NDUFS4: variants seen among roughly 807,000 people sequenced by gnomAD.
NDUFS4 encodes the protein NADH:ubiquinone oxidoreductase subunit S4.
A neutral mutation model predicts 24.3 loss-of-function variants in NDUFS4; 28 were observed. That is an observed-to-expected ratio of 1.15 (90% confidence interval 0.85 to 1.58). NDUFS4 has a LOEUF of 1.58. Ranked by LOEUF, NDUFS4 falls within the 40% of genes most tolerant of loss-of-function variation. NDUFS4 has a pLI of 0.00. For synonymous variants in NDUFS4, 93 were observed against 69.7 expected, an observed-to-expected ratio of 1.34 and a Z score of -1.67; for missense variants, 223 against 207.9, an observed-to-expected ratio of 1.07 and a Z score of -0.45.
At chr5:53,658,838 A>G (rs988901882) in intron 4 of NDUFS4, 6 of 504,348 alleles carry the variant, frequency 1.2e-5, no homozygotes, top group African/African-American at 1.2e-4. Context: ...CATGTAAAAG[A>G]CAGACTGCTC....
At chr5:53,623,542 CA>C (rs1165078099) in intron 2 of NDUFS4, among the ~76,000 whole-genome samples, 2 of 152,110 alleles carry the variant, frequency 1.3e-5, no homozygotes, top group Non-Finnish European at 2.9e-5. Flanking sequence ...CTTTGATGCA[CA>C]AAAATTTTAA....
chr5:53,572,915 A>G (rs943467951), intron 1 of NDUFS4, among the ~76,000 whole-genome samples: 1 of 145,046 alleles, frequency 6.9e-6, no homozygotes, highest in African/African-American at 2.5e-5. Flanking sequence ...AAGTGCTGGG[A>G]TTAGAGGCGT....
chr5:53,580,163 A>G (rs1481695768), intron 1 of NDUFS4, among the ~76,000 whole-genome samples: 3 of 152,238 alleles, frequency 2.0e-5, no homozygotes, highest in Admixed American at 6.5e-5. Context: ...TTTACCATCT[A>G]TTTACACTAA....
At chr5:53,564,677 C>A (rs1404257844) in intron 1 of NDUFS4, among the ~76,000 whole-genome samples, 4 of 152,084 alleles carry the variant, frequency 2.6e-5, no homozygotes, top group Admixed American at 6.6e-5. Context: ...GCAGCTGGGA[C>A]TGTAGGTGTG....
At chr5:53,605,956 G>T (rs1271278351) in intron 2 of NDUFS4, among the ~76,000 whole-genome samples, 1 of 150,854 alleles carries the variant, frequency 6.6e-6, no homozygotes. Context: ...AGAGCTTGCA[G>T]TGAGCCAAGA....
chr5:53,633,830 A>C (rs1362582689), intron 2 of NDUFS4, among the ~76,000 whole-genome samples: 1 of 152,190 alleles, frequency 6.6e-6, no homozygotes, highest in African/African-American at 2.4e-5. Flanking sequence ...AATTCTAGGC[A>C]GATTTTGGAC....
chr5:53,628,383 A>G (rs1751294643), intron 2 of NDUFS4, among the ~76,000 whole-genome samples: 1 of 152,156 alleles, frequency 6.6e-6, no homozygotes, highest in Admixed American at 6.5e-5. Context: ...TATCAGGATG[A>G]TACTGGCCTC....
chr5:53,627,659 C>T (rs1751271414), intron 2 of NDUFS4, among the ~76,000 whole-genome samples: 1 of 152,084 alleles, frequency 6.6e-6, no homozygotes, highest in African/African-American at 2.4e-5. Context: ...AATGGGAGTT[C>T]ACTCAAGATT....
intron 1 of NDUFS4, among the ~76,000 whole-genome samples, chr5:53,566,487 C>T (rs1314437140): frequency 6.6e-6 from 1 of 152,126 alleles, no homozygotes; most frequent in African/African-American, 2.4e-5. Flanking sequence ...CCTATCAACT[C>T]AGGTGTTGTT....
intron 1 of NDUFS4, among the ~76,000 whole-genome samples, chr5:53,594,482 G>A (rs1042736385): frequency 2.0e-5 from 3 of 151,832 alleles, no homozygotes; most frequent in Non-Finnish European, 4.4e-5. Context: ...AATCTACTCC[G>A]ATAACTCTCT....
intron 2 of NDUFS4, 27 bp from the exon 3 acceptor site, chr5:53,646,205 CG>C: frequency 6.4e-7 from 1 of 1,553,766 alleles, no homozygotes; most frequent in South Asian, 1.1e-5. Flanking sequence ...CTGTTTGAAA[CG>C]TGTTTTTTTT....
intron 2 of NDUFS4, among the ~76,000 whole-genome samples, chr5:53,613,101 T>TC (rs1299490263): frequency 3.3e-5 from 5 of 152,030 alleles, no homozygotes; most frequent in South Asian, 4.1e-4. Flanking sequence ...ACTTTTTTTT[T>TC]CCCCCTCTAA....
intron 1 of NDUFS4, among the ~76,000 whole-genome samples, chr5:53,588,777 A>G (rs1256732757): frequency 6.6e-6 from 1 of 152,200 alleles, no homozygotes; most frequent in Admixed American, 6.5e-5. Context: ...AATATTGCCA[A>G]ACAATGAAAT....
intron 2 of NDUFS4, among the ~76,000 whole-genome samples, chr5:53,607,245 C>G (rs1256699470): frequency 6.6e-6 from 1 of 152,170 alleles, no homozygotes; most frequent in African/African-American, 2.4e-5. Flanking sequence ...GATAGTTTTT[C>G]AACCGTTGTG....
At chr5:53,652,316 T>C (rs1752043849) in intron 3 of NDUFS4, among the ~76,000 whole-genome samples, 1 of 152,124 alleles carries the variant, frequency 6.6e-6, no homozygotes. Context: ...ACATATTTCA[T>C]TGAGCAGCAG....
chr5:53,615,921 A>T (rs1351016430), intron 2 of NDUFS4, among the ~76,000 whole-genome samples: 5 of 152,132 alleles, frequency 3.3e-5, no homozygotes, highest in Non-Finnish European at 1.5e-5. Flanking sequence ...CTGAGTATAT[A>T]TTGTGTAAAT....
At chr5:53,614,579 A>G (rs1750790019) in intron 2 of NDUFS4, among the ~76,000 whole-genome samples, 1 of 151,996 alleles carries the variant, frequency 6.6e-6, no homozygotes, top group Non-Finnish European at 1.5e-5. Flanking sequence ...ATCTTTCAAA[A>G]GGTTTAAAGT....
chr5:53,585,753 A>C (rs969833862), intron 1 of NDUFS4, among the ~76,000 whole-genome samples: 3 of 151,866 alleles, frequency 2.0e-5, no homozygotes, highest in Admixed American at 2.0e-4. Context: ...AAAAAAAAAA[A>C]AAAGAAAATT....
chr5:53,612,227 C>G (rs1469501811), intron 2 of NDUFS4, among the ~76,000 whole-genome samples: 1 of 151,940 alleles, frequency 6.6e-6, no homozygotes, highest in Non-Finnish European at 1.5e-5. Context: ...CTTACATATG[C>G]CAGGCACTAT....
Sources: gnomAD v4.1 joint callset for allele counts (sites outside exome capture counted in the v4.1 genomes callset) on GRCh38, gnomAD v4.1.1 for gene constraint, MANE v1.5 for transcripts, NCBI Gene and HGNC (gene_info 2026-07-23, HGNC 2026-07-21) for gene names.